The following PRKCB variants were observed in gnomAD, a reference collection of about 807,000 sequenced individuals.
The protein encoded by PRKCB is protein kinase C beta.
Under a neutral mutation model 81.5 loss-of-function variants are expected in PRKCB, and 13 were observed. That is an observed-to-expected ratio of 0.16 (90% CI 0.10 to 0.25). PRKCB has a LOEUF of 0.25. PRKCB is among the 10% of genes least tolerant of loss of function. PRKCB has a pLI of 1.00. For synonymous variants in PRKCB, 335 were observed against 321.4 expected, an observed-to-expected ratio of 1.04 and a Z score of -0.45; for missense variants, 509 against 875.7, an observed-to-expected ratio of 0.58 and a Z score of 5.29.
chr16:24,051,534 AG>A (rs1965841983), intron 5 of PRKCB, among the ~76,000 whole-genome samples: 1 of 152,152 alleles, frequency 6.6e-6, no homozygotes, highest in African/African-American at 2.4e-5. Flanking sequence ...TGGGACAGAC[AG>A]TTTCTCCAGG....
chr16:23,950,963 C>T, intron 2 of PRKCB, among the ~76,000 whole-genome samples: 1 of 152,110 alleles, frequency 6.6e-6, no homozygotes, highest in Admixed American at 6.5e-5. Flanking sequence ...AGTAGCAAGC[C>T]CTCTTCCCGC....
chr16:24,217,128 AAG>A lies in PRKCB; in HGVS notation c.*2314_*2315del. On this transcript the variant is annotated 3_prime_UTR_variant, in exon 17 of 17. Transcript: ENST00000643927. The stretch of plus-strand genomic sequence containing the variant: ...AAGAAGAAAAAGAAAGAAGGAAAGA[AAG>A]AAAGAGAAAGGAAGGAAGGAAAGAA... 1.0e-6 allele frequency: 1 copy of A among 983,294 alleles called. No homozygotes were observed. The highest frequency in any genetic ancestry group is 1.2e-6 in the Non-Finnish European group (1 of 828,188). The allele number at this position is 983,294 out of a possible 1,614,324, so 60.9% of individuals were successfully genotyped here. A position where few individuals can be genotyped will look rare whatever the true frequency, so the allele number is the denominator to read the frequency against.
chr16:24,209,241 A>G (rs886850539), intron 16 of PRKCB, among the ~76,000 whole-genome samples: 3 of 152,136 alleles, frequency 2.0e-5, no homozygotes, highest in Non-Finnish European at 4.4e-5. Flanking sequence ...GGTCTGCCTT[A>G]TAGTCACACC....
chr16:24,039,756 G>C (rs1342456060), intron 5 of PRKCB, among the ~76,000 whole-genome samples: 1 of 152,158 alleles, frequency 6.6e-6, no homozygotes. Context: ...TGGGTGCATT[G>C]GCCAGCATGG....
chr16:23,857,446 C>A (rs1962588640), intron 2 of PRKCB, among the ~76,000 whole-genome samples: 1 of 152,168 alleles, frequency 6.6e-6, no homozygotes, highest in Non-Finnish European at 1.5e-5. Flanking sequence ...GGGTCAGATC[C>A]CCATGGTGGG....
intron 16 of PRKCB, among the ~76,000 whole-genome samples, chr16:24,207,889 C>T (rs891202027): frequency 1.3e-5 from 2 of 152,180 alleles, no homozygotes; most frequent in African/African-American, 4.8e-5. Flanking sequence ...CCTGGAGTCA[C>T]CTCCAAGAGT....
intron 16 of PRKCB, among the ~76,000 whole-genome samples, chr16:24,209,369 C>T (rs1342211705): frequency 3.3e-5 from 5 of 152,112 alleles, no homozygotes; most frequent in African/African-American, 7.2e-5. Flanking sequence ...AGTCTCTCCC[C>T]GATGCCACGG....
intron 8 of PRKCB, among the ~76,000 whole-genome samples, chr16:24,119,280 G>C (rs904247018): frequency 6.6e-6 from 1 of 152,098 alleles, no homozygotes; most frequent in Non-Finnish European, 1.5e-5. Context: ...GGAGTTTCTA[G>C]TGCTGAGGGA....
At chr16:24,190,768 A>G (rs1278220239) in intron 15 of PRKCB, among the ~76,000 whole-genome samples, 2 of 151,848 alleles carry the variant, frequency 1.3e-5, no homozygotes, top group Non-Finnish European at 1.5e-5. Context: ...TCGCCCGCCT[A>G]GGCCTCCCAA....
At chr16:24,180,961 G>C in intron 13 of PRKCB, 33 bp downstream of exon 13, 1 of 1,609,638 alleles carries the variant, frequency 6.2e-7, no homozygotes, top group African/African-American at 1.3e-5. Context: ...TCACATTGCG[G>C]TGATGTACCC....
intron 7 of PRKCB, among the ~76,000 whole-genome samples, chr16:24,104,741 G>C (rs1378967668): frequency 6.6e-6 from 1 of 152,184 alleles, no homozygotes; most frequent in Non-Finnish European, 1.5e-5. Flanking sequence ...GGGCAGGAGT[G>C]CACCCGGCAA....
At chr16:24,178,410 C>T (rs139308510) in intron 12 of PRKCB, among the ~76,000 whole-genome samples, 161 of 152,334 alleles carry the variant, frequency 1.1e-3, no homozygotes, top group African/African-American at 3.8e-3. Context: ...TGCCCTCCAG[C>T]CTCAGGACTG....
chr16:24,179,753 A>G (rs945835700), intron 12 of PRKCB, among the ~76,000 whole-genome samples: 40 of 152,300 alleles, frequency 2.6e-4, no homozygotes, highest in African/African-American at 7.9e-4. Context: ...ACTTCCTCCA[A>G]TCACTATCTT....
chr16:23,844,987 A>G lies in PRKCB; in HGVS notation c.205+7581A>G, dbSNP rs1196192486. On this transcript the variant is annotated intron_variant, in intron 2 of 16. Coordinates refer to ENST00000643927, the MANE Select transcript of PRKCB (RefSeq NM_002738.7). The stretch of plus-strand genomic sequence containing the variant: ...CAGCTAATTTTTGTATTTTTAGTAG[A>G]GACAGGGTTTCACCATGCTGGCCAG... 2.6e-5 allele frequency among the ~76,000 whole-genome samples: 4 copies of G among 152,078 alleles called. No individual in the cohort carries two copies. The East Asian group carries it at 7.7e-4, about 29-fold the overall frequency.
At chr16:24,029,999 A>G (rs1363654185) in intron 3 of PRKCB, among the ~76,000 whole-genome samples, 2 of 152,294 alleles carry the variant, frequency 1.3e-5, no homozygotes, top group East Asian at 3.9e-4. Flanking sequence ...TCTTGGGCTC[A>G]AGTGATCTTC....
intron 2 of PRKCB, among the ~76,000 whole-genome samples, chr16:23,979,306 C>T (rs757780231): frequency 6.6e-6 from 1 of 152,176 alleles, no homozygotes; most frequent in Non-Finnish European, 1.5e-5. Flanking sequence ...TCCTTCCATC[C>T]TGGAAGGAAA....
At chr16:24,131,291 A>T (rs966101440) in intron 9 of PRKCB, among the ~76,000 whole-genome samples, 1 of 152,254 alleles carries the variant, frequency 6.6e-6, no homozygotes, top group African/African-American at 2.4e-5. Context: ...AGACAGAACC[A>T]TTAAGCTTCC....
At chr16:24,213,172 C>G (rs1014092333) in intron 16 of PRKCB, among the ~76,000 whole-genome samples, 16 of 151,986 alleles carry the variant, frequency 1.1e-4, no homozygotes, top group Admixed American at 3.3e-4. Flanking sequence ...GTAGCTGGGA[C>G]TACAGGTGCC....
chr16:23,919,136 T>G (rs1009756576), intron 2 of PRKCB, among the ~76,000 whole-genome samples: 2 of 152,246 alleles, frequency 1.3e-5, no homozygotes, highest in Non-Finnish European at 2.9e-5. Flanking sequence ...TATGTAAATG[T>G]GTTATCCATC....
Sources: gnomAD v4.1 joint callset for allele counts (sites outside exome capture counted in the v4.1 genomes callset) on GRCh38, gnomAD v4.1.1 for gene constraint, MANE v1.5 for transcripts, NCBI Gene and HGNC (gene_info 2026-07-23, HGNC 2026-07-21) for gene names.